Variants in KCNQ1 observed in about 807,000 individuals in gnomAD.
The protein encoded by KCNQ1 is potassium voltage-gated channel subfamily Q member 1, also known as potassium voltage-gated channel subfamily KQT member 1.
In KCNQ1, 49 loss-of-function variants were observed where a neutral mutation model predicts 72.4. The observed-to-expected ratio is 0.68, with a 90% CI of 0.54 to 0.86. The LOEUF is 0.86. Among genes scored for constraint, KCNQ1 ranks in the 40% least tolerant of loss-of-function variants. KCNQ1 has a pLI of 0.00. For missense variants in KCNQ1, 790 were observed against 945.1 expected (o/e 0.84, Z 2.15); for synonymous variants, 450 against 412.6 (o/e 1.09, Z -1.10).
rs994161262 is a variant in KCNQ1, at chr11:2,848,984, G to A, written c.*981G>A. ...GCAAGCTTTTCCTAATAAACGTGGA[G>A]AATCACAGGCTGGGCTGGGCACTGC... On this transcript the variant is annotated 3_prime_UTR_variant, in exon 16 of 16. Transcript: ENST00000155840. 7 of 454,060 alleles carry A rather than the reference G, an allele frequency of 1.5e-5. No individual in the cohort carries two copies. Among genetic ancestry groups the A allele is most frequent in the African/African-American group, 1.4e-4 (7 of 50,028 alleles). 28.1% of individuals were successfully genotyped at this position (454,060 alleles called of 1,614,324 possible).
At position 2,572,053 on chromosome 11, in the gene KCNQ1, G is replaced by A. The variant is rs199472712; in HGVS notation, c.724G>A (p.Asp242Asn). 6.2e-7 allele frequency: 1 copy of A among 1,612,778 alleles called. No homozygotes were observed. The highest frequency in any genetic ancestry group is 1.1e-5 in the South Asian group (1 of 91,048). ...FLQILRMLHV[D>N]RQGGTWRLLG... is the part of the protein sequence containing the mutation. ...GCAGATCCTGAGGATGCTACACGTC[G>A]ACCGCCAGGGAGGCACCTGGAGGCT... The change falls in exon 5 of 16, where the codon GAC (aspartate) becomes AAC (asparagine). Residue 242 changes from aspartate (D) to asparagine (N), a missense_variant. This residue lies in a region of KCNQ1 where 133 missense variants were observed against 219.5 expected (regional missense o/e 0.61). Transcript: ENST00000155840.
rs1346734562 is a variant in KCNQ1 at position 2,759,695 on chromosome 11, G to A, written c.1515-9149G>A. On this transcript the variant is annotated intron_variant, in intron 11 of 15. Transcript: ENST00000155840. This position sits in a 1 kb window ranked among gnomAD's most constrained non-coding sequence, Gnocchi z 4.4. ...GTTAGAGGATCCTCCAGAAGGGGCCGAGAGCTTGTCCAGGCAGGGTGGATA... is the reference window on the plus strand; with the variant it reads ...GTTAGAGGATCCTCCAGAAGGGGCCAAGAGCTTGTCCAGGCAGGGTGGATA... Among the ~76,000 whole-genome samples, 2 of 152,188 alleles carry A rather than the reference G, an allele frequency of 1.3e-5. No individual in the cohort carries two copies. The highest frequency in any genetic ancestry group is 2.9e-5 in the Non-Finnish European group (2 of 68,028).
chr11:2,525,706 C>T (rs889618180), intron 1 of KCNQ1, among the ~76,000 whole-genome samples: 1 of 152,232 alleles, frequency 6.6e-6, no homozygotes, highest in Admixed American at 6.5e-5. Flanking sequence ...CTGGGAACCA[C>T]GTGGCTGATC....
At chr11:2,780,387 G>A (rs972017747) in intron 15 of KCNQ1, among the ~76,000 whole-genome samples, 1 of 152,214 alleles carries the variant, frequency 6.6e-6, no homozygotes, top group Non-Finnish European at 1.5e-5. Flanking sequence ...GGGAAGTAGG[G>A]GCAGGAAATC....
chr11:2,728,606 C>T (rs970570298), intron 11 of KCNQ1, among the ~76,000 whole-genome samples: 3 of 152,334 alleles, frequency 2.0e-5, no homozygotes, highest in Non-Finnish European at 2.9e-5. Flanking sequence ...CGTGAGGGCA[C>T]GGGGCCTGAG....
intron 11 of KCNQ1, among the ~76,000 whole-genome samples, chr11:2,743,205 C>T (rs996940861): frequency 6.6e-6 from 1 of 152,096 alleles, no homozygotes; most frequent in Non-Finnish European, 1.5e-5. Context: ...GGTGTGAGCC[C>T]ACCGCCCACC....
chr11:2,485,535 C>A (rs546082188), intron 1 of KCNQ1, among the ~76,000 whole-genome samples: 1 of 152,048 alleles, frequency 6.6e-6, no homozygotes, highest in African/African-American at 2.4e-5. Flanking sequence ...GTAAGATACA[C>A]TAATGCAAAA....
rs1225118187 is a variant in KCNQ1, at chr11:2,599,816, C to T, written c.1393+10962C>T. ...ACCAGTCACACTGGATTAGGGCCCA[C>T]CCTAACAGCCTCATTGTAGCTTCAT... On this transcript the variant is annotated intron_variant, in intron 10 of 15. Transcript: ENST00000155840. The surrounding 1 kb of genome is among the most constrained non-coding windows in gnomAD (Gnocchi z 4.7). 6.6e-6 allele frequency among the ~76,000 whole-genome samples: 1 copy of T among 152,208 alleles called. No individual in the cohort carries two copies. The highest frequency in any genetic ancestry group is 1.5e-5 in the Non-Finnish European group (1 of 68,036).
At chr11:2,545,514 G>A (rs1347865786) in intron 2 of KCNQ1, among the ~76,000 whole-genome samples, 1 of 152,056 alleles carries the variant, frequency 6.6e-6, no homozygotes, top group Non-Finnish European at 1.5e-5. Context: ...ATTATATTCA[G>A]GTAATTGATA....
In KCNQ1 at chr11:2,654,020, C is replaced by T. The variant is rs1849798020; in HGVS notation, c.1394-7941C>T. 5.0e-6 allele frequency: 2 copies of T among 398,600 alleles called. No individual in the cohort carries two copies. The highest frequency in any genetic ancestry group is 1.3e-4 in the South Asian group (1 of 7,866). 24.7% of individuals were successfully genotyped at this position (398,600 alleles called of 1,614,324 possible). ...TGCCAGCTGTGAATATACATTTTCA[C>T]TCCATTCCTCGCCTTGTTCCTGGCA... On this transcript the variant is annotated intron_variant, in intron 10 of 15. Coordinates refer to ENST00000155840, the MANE Select transcript of KCNQ1 (RefSeq NM_000218.3). This position sits in a 1 kb window ranked among gnomAD's most constrained non-coding sequence, Gnocchi z 6.4.
chr11:2,758,002 G>C (rs1846332007), intron 11 of KCNQ1, among the ~76,000 whole-genome samples: 1 of 152,212 alleles, frequency 6.6e-6, no homozygotes, highest in South Asian at 2.1e-4. Flanking sequence ...GATTTAGGAA[G>C]GGCAAACAGT....
intron 11 of KCNQ1, among the ~76,000 whole-genome samples, chr11:2,738,439 A>G (rs556309596): frequency 7.9e-4 from 120 of 152,316 alleles, no homozygotes; most frequent in African/African-American, 2.6e-3. Flanking sequence ...GGTCGGGGCC[A>G]CTGGCACTAG....
intron 11 of KCNQ1, chr11:2,672,010 T>C: frequency 2.5e-6 from 1 of 398,708 alleles, no homozygotes. Context: ...GAGTGTATGT[T>C]GGGCTTGTCT....
At position 2,457,426 on chromosome 11, in the gene KCNQ1, A is replaced by G. The variant is rs1846213323; in HGVS notation, c.386+11942A>G. ...ATCGAATAAAGCAAATGTGATATAT[A>G]TACACCATGGAATACTATGCAGACG... On this transcript the variant is annotated intron_variant, in intron 1 of 15. Transcript: ENST00000155840. This position sits in a 1 kb window ranked among gnomAD's most constrained non-coding sequence, Gnocchi z 5.0. 6.6e-6 allele frequency among the ~76,000 whole-genome samples: 1 copy of G among 152,228 alleles called. No individual in the cohort carries two copies. The highest frequency in any genetic ancestry group is 2.4e-5 in the African/African-American group (1 of 41,458).
chr11:2,629,169 A>C, intron 10 of KCNQ1: 2 of 398,316 alleles, frequency 5.0e-6, no homozygotes, highest in Non-Finnish European at 8.9e-6. Context: ...TTGAATCTGT[A>C]GATCACTTTG....
intron 2 of KCNQ1, among the ~76,000 whole-genome samples, chr11:2,542,880 T>C (rs867085295): frequency 3.3e-5 from 5 of 152,374 alleles, no homozygotes; most frequent in Non-Finnish European, 5.9e-5. Flanking sequence ...TAGGGACTTA[T>C]ATTTCCTTTC....
intron 11 of KCNQ1, among the ~76,000 whole-genome samples, chr11:2,714,501 G>C (rs905211427): frequency 6.6e-6 from 1 of 152,172 alleles, no homozygotes; most frequent in Non-Finnish European, 1.5e-5. Context: ...GAATCCCCAG[G>C]GCTGGGCACA....
chr11:2,646,774 T>C, intron 10 of KCNQ1: 1 of 398,644 alleles, frequency 2.5e-6, no homozygotes, highest in East Asian at 3.6e-5. Context: ...CCTCATCCTT[T>C]CAAAGTGCTG....
In KCNQ1 at chr11:2,490,656, G is replaced by T. The variant is rs552296227; in HGVS notation, c.387-37272G>T. Reference sequence around the variant, plus strand: ...CCTCGTAATGCAGAGAATTCTTCTGGATCTTATCTAAGACCACCAAGGCAG... The same window carrying T: ...CCTCGTAATGCAGAGAATTCTTCTGTATCTTATCTAAGACCACCAAGGCAG... On this transcript the variant is annotated intron_variant, in intron 1 of 15. Coordinates refer to ENST00000155840, the MANE Select transcript of KCNQ1 (RefSeq NM_000218.3). Among the ~76,000 whole-genome samples, 19 of 152,286 alleles carry T rather than the reference G, an allele frequency of 1.2e-4. 1 individual carries two copies. Among genetic ancestry groups the T allele is most frequent in the Middle Eastern group, 3.4e-3 (1 of 294 alleles).
Sources: allele counts gnomAD v4.1 joint callset (sites outside exome capture counted in the v4.1 genomes callset), GRCh38; gene constraint gnomAD v4.1.1; regional missense constraint gnomAD v4.1.1; non-coding constraint Gnocchi (gnomAD v3.1); transcripts MANE v1.5; gene names NCBI Gene and HGNC (gene_info 2026-07-23, HGNC 2026-07-21).